LRP1B: variants seen among roughly 807,000 people sequenced by gnomAD.
LRP1B encodes low-density lipoprotein receptor-related protein 1B.
A neutral mutation model predicts 556.6 loss-of-function variants in LRP1B; 217 were observed. The observed-to-expected ratio is 0.39, with a 90% CI of 0.35 to 0.44. The LOEUF (loss-of-function observed/expected upper bound fraction) is 0.44, where lower values mean the gene tolerates loss of function less well. LRP1B is among the 20% of genes least tolerant of loss of function. LRP1B has a pLI of 1.00. For missense variants in LRP1B, 5,053 were observed against 5,620.8 expected, an observed-to-expected ratio of 0.90 and a Z score of 3.23; for synonymous variants, 2,047 against 1,865.8, an observed-to-expected ratio of 1.10 and a Z score of -2.50.
At chr2:141,059,194 G>A (rs1699270726) in intron 8 of LRP1B, 140 bp from the exon 9 acceptor site, 2 of 544,794 alleles carry the variant, frequency 3.7e-6, no homozygotes, top group East Asian at 6.3e-5. Context: ...TTCTCAAGGA[G>A]TTCAACATTT....
chr2:140,339,317 C>T (rs975309213), intron 77 of LRP1B, among the ~76,000 whole-genome samples: 2 of 151,638 alleles, frequency 1.3e-5, no homozygotes, highest in South Asian at 2.1e-4. Context: ...AAAGGAAAAA[C>T]ATGTGACAGG....
At chr2:140,754,995 T>C (rs1688697110) in intron 35 of LRP1B, among the ~76,000 whole-genome samples, 1 of 148,898 alleles carries the variant, frequency 6.7e-6, no homozygotes, top group South Asian at 2.2e-4. Flanking sequence ...ACACCCCTAC[T>C]GATACAGTAG....
chr2:141,278,265 C>A (rs1685377183), intron 3 of LRP1B, among the ~76,000 whole-genome samples: 1 of 152,208 alleles, frequency 6.6e-6, no homozygotes, highest in South Asian at 2.1e-4. Flanking sequence ...TTGAGATTAT[C>A]CAAATTTTCT....
At chr2:140,869,375 A>G (rs1340667781) in intron 25 of LRP1B, among the ~76,000 whole-genome samples, 2 of 152,084 alleles carry the variant, frequency 1.3e-5, no homozygotes, top group African/African-American at 4.8e-5. Context: ...CAGGAGGAAA[A>G]GAGCTGTAAC....
chr2:140,321,838 A>AAGAACCACTGCTATCAAGGTAGC (rs1680151103), intron 82 of LRP1B, 125 bp downstream of exon 82: 1 of 900,682 alleles, frequency 1.1e-6, no homozygotes. Context: ...ACAGGCATTC[A>AAGAACCACTGCTATCAAGGTAGC]AGAACCACTG....
At chr2:140,851,499 A>G (rs1447624789) in intron 28 of LRP1B, among the ~76,000 whole-genome samples, 153 bp downstream of exon 28, 2 of 152,242 alleles carry the variant, frequency 1.3e-5, no homozygotes, top group East Asian at 3.8e-4. Flanking sequence ...TGAATCATCA[A>G]TAGTGGATGG....
At chr2:140,413,960 C>T (rs928269937) in intron 66 of LRP1B, among the ~76,000 whole-genome samples, 4 of 152,106 alleles carry the variant, frequency 2.6e-5, no homozygotes, top group African/African-American at 9.7e-5. Context: ...TTCTGTCAGC[C>T]AGGTTGGAAT....
chr2:140,952,178 G>T (rs958259542), intron 18 of LRP1B, among the ~76,000 whole-genome samples: 7 of 152,112 alleles, frequency 4.6e-5, no homozygotes, highest in African/African-American at 1.7e-4. Context: ...ATTATTTTAT[G>T]AAGGATCATT....
At chr2:140,989,263 C>T (rs141152926) in intron 17 of LRP1B, among the ~76,000 whole-genome samples, 411 of 152,122 alleles carry the variant, frequency 2.7e-3, no homozygotes, top group African/African-American at 9.5e-3. Context: ...TTAGTAGGGA[C>T]AAGTCTTGTA....
At chr2:140,691,551 T>C (rs1378665692) in intron 41 of LRP1B, among the ~76,000 whole-genome samples, 1 of 151,228 alleles carries the variant, frequency 6.6e-6, no homozygotes, top group African/African-American at 2.4e-5. Context: ...TCTAAAAATA[T>C]TATAAAGCTA....
At position 140,457,538 on chromosome 2, in the gene LRP1B, C is replaced by T. The variant is rs781131890; in HGVS notation, c.9739G>A (p.Asp3247Asn). 12 of 1,613,862 alleles carry T rather than the reference C, an allele frequency of 7.4e-6. No individual in the cohort carries two copies. Among genetic ancestry groups the T allele is most frequent in the Non-Finnish European group, 9.3e-6 (11 of 1,179,816 alleles). The change falls in exon 61 of 91, where the codon GAC (aspartate) becomes AAC (asparagine). Residue 3247 changes from aspartate (D) to asparagine (N), a missense_variant. Transcript: ENST00000389484. ...CATGAGTAAATCAGTGAGAGTCTGTCTGCTCCCGATGTTTTATGGGCACGG... is the reference window on the plus strand; with the variant it reads ...CATGAGTAAATCAGTGAGAGTCTGTTTGCTCCCGATGTTTTATGGGCACGG... ...LSRAHKTSGADRLSLIYSWHA... is the reference protein window; with the variant it reads ...LSRAHKTSGANRLSLIYSWHA...
At chr2:140,461,191 T>A (rs1172255410) in intron 60 of LRP1B, among the ~76,000 whole-genome samples, 1 of 152,128 alleles carries the variant, frequency 6.6e-6, no homozygotes, top group Non-Finnish European at 1.5e-5. Context: ...GATTATTCAT[T>A]TTTTTAGTTA....
chr2:141,188,279 C>T, intron 7 of LRP1B, 142 bp downstream of exon 7: 2 of 767,894 alleles, frequency 2.6e-6, no homozygotes, highest in Non-Finnish European at 4.2e-6. Context: ...TTTTTTCCTT[C>T]CTGCGACACA....
rs1444140669 is a variant in LRP1B at position 140,358,890 on chromosome 2, G to C, written c.11188C>G (p.Leu3730Val). 1.2e-6 allele frequency: 2 copies of C among 1,609,020 alleles called. No individual in the cohort carries two copies. Among genetic ancestry groups the C allele is most frequent in the Non-Finnish European group, 1.7e-6 (2 of 1,176,312 alleles). Residue 3730 changes from leucine (L) to valine (V), a missense_variant, in exon 73 of 91, where the codon CTA becomes GTA. Physicochemically the swap from Leu to Val is conservative, Grantham distance 32. Around this residue, in one of 5 missense-constraint regions of LRP1B, gnomAD observed 599 missense variants for 648.4 expected, o/e 0.92. Transcript: ENST00000389484. The part of the protein sequence containing the change: ...PHRCRNNRIC[L>V]QSEQMCNGID... ...CCATTGCACATTTGCTCCGACTGTA[G>C]GCATATTCTGTTATTTCTGCATCTG...
intron 3 of LRP1B, among the ~76,000 whole-genome samples, chr2:141,307,678 G>T (rs1439513149): frequency 1.3e-5 from 2 of 152,180 alleles, no homozygotes; most frequent in African/African-American, 4.8e-5. Flanking sequence ...ATGCATGCCA[G>T]GTGGGTCACT....
rs370157141 is a variant in LRP1B at position 140,457,535 on chromosome 2, T to C, written c.9742A>G (p.Arg3248Gly). 2.5e-6 allele frequency: 4 copies of C among 1,613,776 alleles called. No individual in the cohort carries two copies. Among genetic ancestry groups the C allele is most frequent in the Non-Finnish European group, 3.4e-6 (4 of 1,179,818 alleles). Residue 3248 changes from arginine to glycine, a missense_variant, in exon 61 of 91, where the codon AGA (arginine) becomes GGA (glycine). Physicochemically the swap from Arg to Gly is moderately radical, Grantham distance 125. Around this residue, in one of 5 missense-constraint regions of LRP1B, gnomAD observed 262 missense variants for 395.1 expected, o/e 0.66. Transcript: ENST00000389484. ...TGCCATGAGTAAATCAGTGAGAGTC[T>C]GTCTGCTCCCGATGTTTTATGGGCA... is the stretch of plus-strand genomic sequence containing the variant. ...SRAHKTSGAD[R>G]LSLIYSWHAI...
chr2:140,356,503 T>G (rs199567681), intron 74 of LRP1B, 27 bp from the exon 75 acceptor site: 41 of 1,521,180 alleles, frequency 2.7e-5, no homozygotes, highest in Non-Finnish European at 3.6e-6. Flanking sequence ...TGATCAAAAC[T>G]AATATAATTC....
chr2:140,449,693 C>T (rs912782405), intron 63 of LRP1B, among the ~76,000 whole-genome samples: 2 of 152,040 alleles, frequency 1.3e-5, no homozygotes, highest in African/African-American at 4.8e-5. Flanking sequence ...ATCTAGATAA[C>T]CTAAATTTCA....
intron 15 of LRP1B, among the ~76,000 whole-genome samples, chr2:141,002,279 G>A (rs1697446913): frequency 6.6e-6 from 1 of 152,032 alleles, no homozygotes; most frequent in Non-Finnish European, 1.5e-5. Context: ...TCTGAAGTAT[G>A]TAATTACAGA....
Sources: allele counts gnomAD v4.1 joint callset (sites outside exome capture counted in the v4.1 genomes callset), GRCh38; gene constraint gnomAD v4.1.1; regional missense constraint gnomAD v4.1.1; transcripts MANE v1.5; gene names NCBI Gene and HGNC (gene_info 2026-07-23, HGNC 2026-07-21).